APPBP2: variants seen among roughly 807,000 people sequenced by gnomAD.
APPBP2 encodes the protein amyloid beta precursor protein binding protein 2.
Under a neutral mutation model 76.0 loss-of-function variants are expected in APPBP2, and 15 were observed. The ratio of observed to expected loss-of-function variants is 0.20; its 90% CI spans 0.13 to 0.30. The LOEUF (loss-of-function observed/expected upper bound fraction) is 0.30, where lower values mean the gene tolerates loss of function less well. Ranked by LOEUF, APPBP2 falls within the 10% of genes least tolerant of loss-of-function variation. APPBP2 has a pLI of 1.00. For synonymous variants in APPBP2, 222 were observed against 242.2 expected, an observed-to-expected ratio of 0.92 and a Z score of 0.77; for missense variants, 401 against 687.2, an observed-to-expected ratio of 0.58 and a Z score of 4.66.
Position 60,513,434 on chromosome 17 carries a change from A to G in APPBP2, c.138+12360T>C. ...TATCGGGATTCAATTTTTGTGACAG[A>G]TAACTTGTGGTTTTGTACTATAATG... is the stretch of plus-strand genomic sequence containing the variant. On this transcript the variant is annotated intron_variant, in intron 1 of 12. Transcript: ENST00000083182. 3 of 649,712 alleles carry G rather than the reference A, an allele frequency of 4.6e-6. No homozygotes were observed. The South Asian group carries it at 5.0e-5, about 11-fold the overall frequency. 40.2% of individuals were successfully genotyped at this position (649,712 alleles called of 1,614,324 possible). A position where few individuals can be genotyped will look rare whatever the true frequency, so the allele number is the denominator to read the frequency against.
chr17:60,479,535 T>G (rs1184638434), intron 3 of APPBP2, among the ~76,000 whole-genome samples: 1 of 152,194 alleles, frequency 6.6e-6, no homozygotes, highest in Non-Finnish European at 1.5e-5. Context: ...AGTTGTTACT[T>G]TCCAGCTAAT....
chr17:60,487,293 AG>A (rs1429470260), intron 3 of APPBP2, among the ~76,000 whole-genome samples: 3 of 152,164 alleles, frequency 2.0e-5, no homozygotes, highest in African/African-American at 4.8e-5. Context: ...AGTGTCTTCC[AG>A]CTTGGTTCCA....
At chr17:60,488,123 G>A (rs2090695882) in intron 3 of APPBP2, among the ~76,000 whole-genome samples, 1 of 152,200 alleles carries the variant, frequency 6.6e-6, no homozygotes, top group Non-Finnish European at 1.5e-5. Context: ...TGTATGAGGT[G>A]TCAGTCAGCC....
intron 1 of APPBP2, among the ~76,000 whole-genome samples, chr17:60,525,030 C>T (rs1181664738): frequency 6.6e-6 from 1 of 152,176 alleles, no homozygotes; most frequent in Non-Finnish European, 1.5e-5. Flanking sequence ...GCTTGGGAGA[C>T]TTGCTGTTCA....
At chr17:60,465,472 T>G (rs1322401751) in intron 5 of APPBP2, among the ~76,000 whole-genome samples, 2 of 152,220 alleles carry the variant, frequency 1.3e-5, no homozygotes, top group African/African-American at 4.8e-5. Flanking sequence ...AAGATTGAAC[T>G]GTCAAAATTA....
At position 60,447,403 on chromosome 17, in the gene APPBP2, A is replaced by T. The variant is rs139059608; in HGVS notation, c.*178T>A. 47 of 616,594 alleles carry T rather than the reference A, an allele frequency of 7.6e-5. No individual in the cohort carries two copies. In the East Asian group the frequency reaches 1.3e-3, roughly 17 times the overall value. 38.2% of individuals were successfully genotyped at this position (616,594 alleles called of 1,614,324 possible). ...TGCGGTACATGCTGAATATAACTGA[A>T]TATATGCTTATTCCTACAGACATTC... On this transcript the variant is annotated 3_prime_UTR_variant, in exon 13 of 13. Coordinates refer to ENST00000083182, the MANE Select transcript of APPBP2 (RefSeq NM_006380.5).
At position 60,519,558 on chromosome 17, in the gene APPBP2, G is replaced by C. The variant is rs574428702; in HGVS notation, c.138+6236C>G. Among the ~76,000 whole-genome samples the C allele has an allele frequency of 2.0e-5, 3 of 152,010 alleles. No individual in the cohort carries two copies. The East Asian group carries it at 5.8e-4, about 29-fold the overall frequency. Reference sequence around the variant, plus strand: ...AGCATCTGTAGTCCTAGCTACTCGGGACGATGAGGCAGGAGGATCACTTGG... The same window carrying C: ...AGCATCTGTAGTCCTAGCTACTCGGCACGATGAGGCAGGAGGATCACTTGG... On this transcript the variant is annotated intron_variant, in intron 1 of 12. Coordinates refer to ENST00000083182, the MANE Select transcript of APPBP2 (RefSeq NM_006380.5).
chr17:60,474,841 A>C (rs1370140673), intron 4 of APPBP2, among the ~76,000 whole-genome samples: 1 of 152,140 alleles, frequency 6.6e-6, no homozygotes, highest in African/African-American at 2.4e-5. Flanking sequence ...TACAATATTC[A>C]TTACCTACCA....
intron 1 of APPBP2, among the ~76,000 whole-genome samples, chr17:60,515,993 C>A (rs1022114218): frequency 1.3e-5 from 2 of 152,102 alleles, no homozygotes; most frequent in Admixed American, 1.3e-4. Context: ...GGTGAAAACC[C>A]GTCTCTACCA....
intron 2 of APPBP2, among the ~76,000 whole-genome samples, chr17:60,498,624 A>T (rs1405632228): frequency 6.6e-6 from 1 of 152,214 alleles, no homozygotes; most frequent in Non-Finnish European, 1.5e-5. Context: ...CTGTAATTGC[A>T]CATAACATAG....
intron 5 of APPBP2, 49 bp from the exon 6 acceptor site, chr17:60,464,159 G>T: frequency 6.8e-7 from 1 of 1,466,150 alleles, no homozygotes; most frequent in South Asian, 1.2e-5. Flanking sequence ...AAATCAAGTT[G>T]ACAATATTTA....
At chr17:60,508,375 A>G (rs1042035723) in intron 1 of APPBP2, among the ~76,000 whole-genome samples, 3 of 152,146 alleles carry the variant, frequency 2.0e-5, no homozygotes, top group South Asian at 2.1e-4. Context: ...TCGGACACAG[A>G]AAGGCTGGAT....
At chr17:60,514,992 C>T (rs1052201213) in intron 1 of APPBP2, among the ~76,000 whole-genome samples, 3 of 151,702 alleles carry the variant, frequency 2.0e-5, no homozygotes, top group Admixed American at 1.3e-4. Context: ...TTAGTAGAGA[C>T]GGGGTTTCAC....
chr17:60,485,534 G>C (rs1043597422), intron 3 of APPBP2, among the ~76,000 whole-genome samples: 2 of 152,106 alleles, frequency 1.3e-5, no homozygotes, highest in Non-Finnish European at 2.9e-5. Context: ...TATTTCTGTA[G>C]GATCAGTGGT....
At chr17:60,452,583 G>T (rs2090402997) in intron 11 of APPBP2, among the ~76,000 whole-genome samples, 1 of 152,080 alleles carries the variant, frequency 6.6e-6, no homozygotes, top group Non-Finnish European at 1.5e-5. Context: ...AGGTAAAGAA[G>T]ACCTCTCACT....
At position 60,466,765 on chromosome 17, in the gene APPBP2, C is replaced by T. The variant is rs1273828733; in HGVS notation, c.504-306G>A. On this transcript the variant is annotated intron_variant, in intron 4 of 12. Transcript: ENST00000083182. ...ACATTTAATCTTTTTGTTCCAAATC[C>T]ACAAGTAATATAGCTTCAGTATAAG... is the stretch of plus-strand genomic sequence containing the variant. Among the ~76,000 whole-genome samples the T allele has an allele frequency of 5.9e-5, 9 of 152,046 alleles. 1 individual carries two copies. The highest frequency in any genetic ancestry group is 5.9e-4 in the Admixed American group (9 of 15,260).
chr17:60,512,832 TAAAAAAAAAAA>T (rs770075935), intron 1 of APPBP2, among the ~76,000 whole-genome samples: 1 of 29,926 alleles, frequency 3.3e-5, no homozygotes, highest in Non-Finnish European at 6.3e-5. Flanking sequence ...AGACTCCATC[TAAAAAAAAAAA>T]AAAAAAAAAA....
chr17:60,458,004 T>C (rs767300604), intron 9 of APPBP2, among the ~76,000 whole-genome samples: 5 of 152,094 alleles, frequency 3.3e-5, no homozygotes, highest in Non-Finnish European at 5.9e-5. Flanking sequence ...ATGTTCTCTC[T>C]ACGGATTTGC....
At chr17:60,484,883 T>C (rs1371416700) in intron 3 of APPBP2, among the ~76,000 whole-genome samples, 1 of 152,154 alleles carries the variant, frequency 6.6e-6, no homozygotes, top group Admixed American at 6.5e-5. Context: ...ACGGCTATTA[T>C]TTTGAGTTAC....
Sources: gnomAD v4.1 joint callset for allele counts (sites outside exome capture counted in the v4.1 genomes callset) on GRCh38, gnomAD v4.1.1 for gene constraint, MANE v1.5 for transcripts, NCBI Gene and HGNC (gene_info 2026-07-23, HGNC 2026-07-21) for gene names.